Variants in SELENOT observed in about 807,000 individuals in gnomAD.
SELENOT encodes selenoprotein T, also known as thioredoxin reductase-like selenoprotein T.
In SELENOT, 9 loss-of-function variants were observed where a neutral mutation model predicts 24.3. The observed-to-expected ratio is 0.37, with a 90% CI of 0.22 to 0.65. The LOEUF is 0.65. SELENOT is among the 30% of genes least tolerant of loss of function. The probability of loss-of-function intolerance (pLI) is 0.60; values close to 1 mark genes in which losing one functional copy is unlikely to be tolerated. For synonymous variants in SELENOT, 81 were observed against 86.0 expected (o/e 0.94, Z 0.32); for missense variants, 166 against 247.6 (o/e 0.67, Z 2.21).
intron 1 of SELENOT, among the ~76,000 whole-genome samples, chr3:150,614,412 T>G (rs1568586): frequency 0.67 from 98,761 of 147,418 alleles, 33,133 homozygotes; most frequent in East Asian, 0.99. Flanking sequence ...TGGAGGTGGG[T>G]TTTTTTTTTT....
chr3:150,624,949 A>C, intron 4 of SELENOT, 50 bp downstream of exon 4: 1 of 983,364 alleles, frequency 1.0e-6, no homozygotes, highest in Non-Finnish European at 1.5e-6. Flanking sequence ...ATGATTTATA[A>C]TGAGTATCAA....
At chr3:150,614,050 A>G (rs1726158327) in intron 1 of SELENOT, among the ~76,000 whole-genome samples, 1 of 152,162 alleles carries the variant, frequency 6.6e-6, no homozygotes, top group African/African-American at 2.4e-5. Context: ...AAGAGAAGGT[A>G]AGGTGCTATT....
chr3:150,625,312 T>C (rs568685963), intron 4 of SELENOT, among the ~76,000 whole-genome samples: 8 of 152,294 alleles, frequency 5.3e-5, no homozygotes, highest in African/African-American at 1.2e-4. Context: ...AACTCTTGCT[T>C]ACTTCTCCTT....
intron 1 of SELENOT, chr3:150,614,425 T>C (rs995875063): frequency 6.5e-6 from 1 of 152,726 alleles, no homozygotes; most frequent in Admixed American, 6.6e-5. Context: ...TTTTTTTTTT[T>C]AATGGAGGAT....
chr3:150,607,687 C>T (rs552108674), intron 1 of SELENOT, among the ~76,000 whole-genome samples: 7 of 152,204 alleles, frequency 4.6e-5, no homozygotes, highest in East Asian at 3.9e-4. Flanking sequence ...AACTGAGATT[C>T]GAAGGATAAG....
chr3:150,611,558 TACTCTGAATTA>T, intron 1 of SELENOT: 1 of 1,198,076 alleles, frequency 8.3e-7, no homozygotes, highest in Non-Finnish European at 1.2e-6. Context: ...CTGTTTCGAA[TACTCTGAATTA>T]AGTTTTTATG....
chr3:150,609,865 T>C (rs982293025), intron 1 of SELENOT, among the ~76,000 whole-genome samples: 5 of 152,220 alleles, frequency 3.3e-5, no homozygotes, highest in Admixed American at 1.3e-4. Context: ...ATAATTAATA[T>C]AATTTTCTCC....
At chr3:150,609,715 A>G (rs1213518659) in intron 1 of SELENOT, among the ~76,000 whole-genome samples, 1 of 152,200 alleles carries the variant, frequency 6.6e-6, no homozygotes, top group African/African-American at 2.4e-5. Flanking sequence ...GAGCATGGAT[A>G]GTATCTTACT....
intron 2 of SELENOT, among the ~76,000 whole-genome samples, chr3:150,622,785 T>C (rs1214847923): frequency 6.6e-6 from 1 of 152,186 alleles, no homozygotes; most frequent in South Asian, 2.1e-4. Flanking sequence ...TAGAAAGTGG[T>C]ATTAAATTCT....
chr3:150,611,898 C>A, intron 1 of SELENOT: 1 of 1,002,190 alleles, frequency 1.0e-6, no homozygotes. Flanking sequence ...TCCGGGGTAC[C>A]GGCGCTGACA....
chr3:150,621,652 A>G (rs1487139433), intron 1 of SELENOT, among the ~76,000 whole-genome samples: 1 of 113,068 alleles, frequency 8.8e-6, no homozygotes, highest in African/African-American at 3.4e-5. Flanking sequence ...GGCAGCATCT[A>G]TCTGAAAGTG....
intron 1 of SELENOT, among the ~76,000 whole-genome samples, chr3:150,617,756 G>A (rs1216922532): frequency 6.7e-6 from 1 of 149,610 alleles, no homozygotes; most frequent in African/African-American, 2.5e-5. Context: ...TACTTGTGTA[G>A]TGTTGTTTAT....
rs1399749457 is a variant in SELENOT, at chr3:150,628,355, T to TA, written c.*732dup. The TA allele has an allele frequency of 6.6e-6, 1 of 152,624 alleles. No individual in the cohort carries two copies. Among genetic ancestry groups the TA allele is most frequent in the Non-Finnish European group, 1.5e-5 (1 of 68,014 alleles). 9.5% of individuals were successfully genotyped at this position (152,624 alleles called of 1,614,324 possible). A position where few individuals can be genotyped will look rare whatever the true frequency, so the allele number is the denominator to read the frequency against. ...AACTGGGCCTTTATACTTAACTAAATAAAAAACTAAGCAGATATGAGTTAA... is the reference window on the plus strand; with the variant it reads ...AACTGGGCCTTTATACTTAACTAAATAAAAAAACTAAGCAGATATGAGTTAA... On this transcript the variant is annotated 3_prime_UTR_variant, in exon 6 of 6. Coordinates refer to ENST00000471696, the MANE Select transcript of SELENOT (RefSeq NM_016275.5).
intron 1 of SELENOT, among the ~76,000 whole-genome samples, chr3:150,604,180 C>A (rs1267695606): frequency 6.6e-6 from 1 of 152,206 alleles, no homozygotes; most frequent in African/African-American, 2.4e-5. Context: ...CCCTCCTCAC[C>A]TGCCTCCCAG....
chr3:150,611,045 T>C (rs1195503765), intron 1 of SELENOT, among the ~76,000 whole-genome samples: 1 of 136,586 alleles, frequency 7.3e-6, no homozygotes, highest in Non-Finnish European at 1.6e-5. Context: ...GTATTTGTTT[T>C]TGTTTTCTTT....
Position 150,629,627 on chromosome 3 carries a change from T to A in SELENOT, c.*1998T>A, listed in dbSNP as rs747825953. The A allele has an allele frequency of 3.9e-5, 6 of 152,632 alleles. No homozygotes were observed. Among genetic ancestry groups the A allele is most frequent in the Non-Finnish European group, 7.3e-5 (5 of 68,036 alleles). 9.5% of individuals were successfully genotyped at this position (152,632 alleles called of 1,614,324 possible). A position where few individuals can be genotyped will look rare whatever the true frequency, so the allele number is the denominator to read the frequency against. ...TCAATTCCAACTTTCTCTGTTTGCC[T>A]TGGGTTGAATAACTTATCTTTTGGA... On this transcript the variant is annotated 3_prime_UTR_variant, in exon 6 of 6. Transcript: ENST00000471696.
rs1332629316 is a variant in SELENOT, at chr3:150,627,881, C to G, written c.*252C>G. On this transcript the variant is annotated 3_prime_UTR_variant, in exon 6 of 6. Transcript: ENST00000471696. ...GCTTTCCCCACCTCCCACAAAATCA[C>G]CCAGTTAATGTGTGTGTGTGTTTTT... is the stretch of plus-strand genomic sequence containing the variant. The G allele has an allele frequency of 6.6e-6, 1 of 152,114 alleles. No individual in the cohort carries two copies. The highest frequency in any genetic ancestry group is 1.5e-5 in the Non-Finnish European group (1 of 68,012). The allele number at this position is 152,114 out of a possible 1,614,324, so 9.4% of individuals were successfully genotyped here. A position where few individuals can be genotyped will look rare whatever the true frequency, so the allele number is the denominator to read the frequency against.
At chr3:150,616,105 T>C (rs1314538829) in intron 1 of SELENOT, among the ~76,000 whole-genome samples, 396 of 149,952 alleles carry the variant, frequency 2.6e-3, no homozygotes, top group Non-Finnish European at 4.4e-3. Context: ...GGGGAAAGGA[T>C]TCCCTATTTA....
intron 3 of SELENOT, 26 bp downstream of exon 3, chr3:150,623,195 CTG>C (rs1726377754): frequency 2.6e-6 from 4 of 1,549,544 alleles, no homozygotes; most frequent in Admixed American, 4.1e-5. Flanking sequence ...GCTTTGGTAA[CTG>C]TAGGTTTTTA....
Sources: gnomAD v4.1 joint callset for allele counts (sites outside exome capture counted in the v4.1 genomes callset) on GRCh38, gnomAD v4.1.1 for gene constraint, MANE v1.5 for transcripts, NCBI Gene and HGNC (gene_info 2026-07-23, HGNC 2026-07-21) for gene names.